Variants in GVQW3 observed in about 807,000 individuals in gnomAD.
The protein encoded by GVQW3 is GVQW motif containing 3.
A neutral mutation model predicts 12.5 loss-of-function variants in GVQW3; 7 were observed. The observed-to-expected ratio is 0.56, with a 90% CI of 0.32 to 1.05. The LOEUF is 1.05. GVQW3 is among the 50% of genes least tolerant of loss of function. The probability of loss-of-function intolerance (pLI) is 0.04; values close to 1 mark genes in which losing one functional copy is unlikely to be tolerated. For synonymous variants in GVQW3, 71 were observed against 67.2 expected, an observed-to-expected ratio of 1.06 and a Z score of -0.28; for missense variants, 188 against 190.8, an observed-to-expected ratio of 0.99 and a Z score of 0.09.
rs1184192071 is a variant in GVQW3, at chr11:76,407,616, G to A, written c.*3858G>A. The A allele has an allele frequency of 2.0e-5, 3 of 147,480 alleles. No individual in the cohort carries two copies. Among genetic ancestry groups the A allele is most frequent in the African/African-American group, 7.5e-5 (3 of 40,228 alleles). 9.1% of individuals were successfully genotyped at this position (147,480 alleles called of 1,614,324 possible). A position where few individuals can be genotyped will look rare whatever the true frequency, so the allele number is the denominator to read the frequency against. ...AAAAAAAAAAAAAGAATTTAAGCCA[G>A]TTGACCTAGGAATCTTCTAGGACGA... is the stretch of plus-strand genomic sequence containing the variant. On this transcript the variant is annotated 3_prime_UTR_variant, in exon 2 of 2. Transcript: ENST00000529331.
chr11:76,390,426 A>C (rs996281154), intron 1 of GVQW3, among the ~76,000 whole-genome samples: 1 of 152,254 alleles, frequency 6.6e-6, no homozygotes, highest in Non-Finnish European at 1.5e-5. Context: ...CATTTCAACA[A>C]TATTTATTGA....
intron 1 of GVQW3, among the ~76,000 whole-genome samples, chr11:76,391,983 C>A (rs1043138722): frequency 6.6e-6 from 1 of 152,088 alleles, no homozygotes; most frequent in Non-Finnish European, 1.5e-5. Context: ...AATCAGTGAA[C>A]GGTCATTTAC....
chr11:76,400,530 C>G (rs992881373), intron 1 of GVQW3, among the ~76,000 whole-genome samples: 1 of 152,166 alleles, frequency 6.6e-6, no homozygotes, highest in African/African-American at 2.4e-5. Flanking sequence ...GAGCGATTCT[C>G]TTGCCTCAGC....
intron 1 of GVQW3, among the ~76,000 whole-genome samples, chr11:76,397,254 G>A (rs1027779954): frequency 7.9e-5 from 12 of 151,950 alleles, no homozygotes; most frequent in Non-Finnish European, 1.6e-4. Context: ...TGCCCACCTT[G>A]GCCTCCCAAA....
At chr11:76,400,747 A>G (rs1269759976) in intron 1 of GVQW3, among the ~76,000 whole-genome samples, 4 of 151,932 alleles carry the variant, frequency 2.6e-5, no homozygotes, top group South Asian at 2.1e-4. Flanking sequence ...TGGAACTCCT[A>G]TGAGACATCT....
chr11:76,407,727 AAGT>A lies in GVQW3; in HGVS notation c.*3974_*3976del, dbSNP rs1160518806. ...CCATTCATTGCAGACTTATTTGTAA[AAGT>A]AGTAAAAAGAAGGAAATAACCCAAA... On this transcript the variant is annotated 3_prime_UTR_variant, in exon 2 of 2. Transcript: ENST00000529331. The A allele has an allele frequency of 6.6e-6, 1 of 152,198 alleles. No homozygotes were observed. Among genetic ancestry groups the A allele is most frequent in the Admixed American group, 6.5e-5 (1 of 15,280 alleles). 9.4% of individuals were successfully genotyped at this position (152,198 alleles called of 1,614,324 possible). A position where few individuals can be genotyped will look rare whatever the true frequency, so the allele number is the denominator to read the frequency against.
At chr11:76,403,501 G>A (rs1469269641) in intron 1 of GVQW3, among the ~76,000 whole-genome samples, 159 bp from the exon 2 acceptor site, 1 of 152,020 alleles carries the variant, frequency 6.6e-6, no homozygotes, top group East Asian at 1.9e-4. Flanking sequence ...ACAGGATATT[G>A]TTCTGGCACC....
At chr11:76,385,289 C>A (rs771224748) in intron 1 of GVQW3, among the ~76,000 whole-genome samples, 2 of 152,174 alleles carry the variant, frequency 1.3e-5, no homozygotes, top group Non-Finnish European at 1.5e-5. Context: ...CTGGGCATCT[C>A]CAAATAGGAA....
chr11:76,393,237 T>C (rs1946909469), intron 1 of GVQW3, among the ~76,000 whole-genome samples: 1 of 152,216 alleles, frequency 6.6e-6, no homozygotes, highest in Non-Finnish European at 1.5e-5. Flanking sequence ...GACTGTATAT[T>C]TTATTCTACT....
chr11:76,409,612 CT>C (rs1170706697), downstream of GVQW3, among the ~76,000 whole-genome samples: 4 of 152,206 alleles, frequency 2.6e-5, no homozygotes, highest in African/African-American at 7.2e-5. Context: ...CTCACCGCCC[CT>C]GAGTAGACTT....
rs534050679 is a variant in GVQW3 at position 76,384,207 on chromosome 11, A to C, written c.465+1914A>C. 1.4e-4 allele frequency among the ~76,000 whole-genome samples: 21 copies of C among 152,354 alleles called. No homozygotes were observed. In the East Asian group the frequency reaches 3.9e-3, roughly 28 times the overall value. On this transcript the variant is annotated intron_variant, in intron 1 of 1. Coordinates refer to ENST00000529331, the MANE Select transcript of GVQW3 (RefSeq NM_001347885.2). Reference sequence around the variant, plus strand: ...TTAGATATAACAGCTCCTCTTAAACAATATTGCTTGATAGTAGAGGCACAA... The same window carrying C: ...TTAGATATAACAGCTCCTCTTAAACCATATTGCTTGATAGTAGAGGCACAA...
chr11:76,412,780 G>C (rs1389084386), downstream of GVQW3: 1 of 152,212 alleles, frequency 6.6e-6, no homozygotes, highest in Admixed American at 6.5e-5. Flanking sequence ...CCCCAGCCAG[G>C]GTAACAGCTT....
rs1408547124 is a variant in GVQW3, at chr11:76,405,013, AG to A, written c.*1256del. ...GTATATTGGAATATTTTTAGCTGTA[AG>A]TAATGATAACTAACAGTGACTTAAA... On this transcript the variant is annotated 3_prime_UTR_variant, in exon 2 of 2. Coordinates refer to ENST00000529331, the MANE Select transcript of GVQW3 (RefSeq NM_001347885.2). 1.3e-5 allele frequency: 2 copies of A among 152,230 alleles called. No individual in the cohort carries two copies. The highest frequency in any genetic ancestry group is 1.3e-4 in the Admixed American group (2 of 15,288). 9.4% of individuals were successfully genotyped at this position (152,230 alleles called of 1,614,324 possible). A position where few individuals can be genotyped will look rare whatever the true frequency, so the allele number is the denominator to read the frequency against.
At position 76,407,249 on chromosome 11, in the gene GVQW3, C is replaced by G. The variant is rs1344907765; in HGVS notation, c.*3491C>G. On this transcript the variant is annotated 3_prime_UTR_variant, in exon 2 of 2. Transcript: ENST00000529331. ...AAATTATAAATTGATATTGTTTTCT[C>G]AGAGCAATTTCGCAATGAGCATCAC... 1 of 151,996 alleles carries G rather than the reference C, an allele frequency of 6.6e-6. No individual in the cohort carries two copies. Among genetic ancestry groups the G allele is most frequent in the Non-Finnish European group, 1.5e-5 (1 of 67,996 alleles). The allele number at this position is 151,996 out of a possible 1,614,324, so 9.4% of individuals were successfully genotyped here.
At chr11:76,396,328 T>A (rs531247685) in intron 1 of GVQW3, among the ~76,000 whole-genome samples, 1 of 152,130 alleles carries the variant, frequency 6.6e-6, no homozygotes, top group East Asian at 1.9e-4. Context: ...TATTATTATT[T>A]TTTGAGACAG....
intron 1 of GVQW3, among the ~76,000 whole-genome samples, chr11:76,401,598 C>A (rs1311803452): frequency 6.6e-6 from 1 of 151,708 alleles, no homozygotes; most frequent in Non-Finnish European, 1.5e-5. Flanking sequence ...AATGGTGAAA[C>A]CTCGTCTCTA....
At chr11:76,403,034 A>T (rs770849883) in intron 1 of GVQW3, among the ~76,000 whole-genome samples, 1 of 151,274 alleles carries the variant, frequency 6.6e-6, no homozygotes, top group Non-Finnish European at 1.5e-5. Context: ...TGCAACCTCT[A>T]CCTCCCGGGT....
At chr11:76,413,857 A>T (rs1001445660) in exon 2 of GVQW3, 3 of 149,052 alleles carry the variant, frequency 2.0e-5, no homozygotes, top group Non-Finnish European at 4.5e-5. Flanking sequence ...AAAAAAAAAT[A>T]CCAGTGTGTG....
chr11:76,382,436 C>A, intron 1 of GVQW3, 143 bp downstream of exon 1: 1 of 696,724 alleles, frequency 1.4e-6, no homozygotes. Context: ...CCCAGGGTAG[C>A]TGAGAATTGG....
Sources: gnomAD v4.1 joint callset for allele counts (sites outside exome capture counted in the v4.1 genomes callset) on GRCh38, gnomAD v4.1.1 for gene constraint, MANE v1.5 for transcripts, NCBI Gene and HGNC (gene_info 2026-07-23, HGNC 2026-07-21) for gene names.